The following CEP164 variants were observed in gnomAD, a reference collection of about 807,000 sequenced individuals.
The protein encoded by CEP164 is centrosomal protein 164.
CEP164 carries 162 observed loss-of-function variants against 182.7 expected under a neutral mutation model. The observed-to-expected ratio is 0.89, with a 90% CI of 0.78 to 1.01. The LOEUF (loss-of-function observed/expected upper bound fraction) is 1.01, where lower values mean the gene tolerates loss of function less well. Among genes scored for constraint, CEP164 ranks in the 50% least tolerant of loss-of-function variants. The pLI is 0.00. For missense variants in CEP164, 1,735 were observed against 1,790.4 expected, an observed-to-expected ratio of 0.97 and a Z score of 0.56; for synonymous variants, 661 against 690.0, an observed-to-expected ratio of 0.96 and a Z score of 0.66.
In CEP164 at chr11:117,412,905, A is replaced by C. The variant is rs1456845175; in HGVS notation, c.*737A>C. 1 of 152,202 alleles carries C rather than the reference A, an allele frequency of 6.6e-6. No homozygotes were observed. The highest frequency in any genetic ancestry group is 1.5e-5 in the Non-Finnish European group (1 of 68,010). 9.4% of individuals were successfully genotyped at this position (152,202 alleles called of 1,614,324 possible). On this transcript the variant is annotated 3_prime_UTR_variant, in exon 33 of 33. Transcript: ENST00000278935. ...TTTCAGCTGGAGTCTCAGGTCTCAA[A>C]AACAACTTCTCCAGGAGGCCAAAAA...
chr11:117,412,467 T>A lies in CEP164; in HGVS notation c.*299T>A. On this transcript the variant is annotated 3_prime_UTR_variant, in exon 33 of 33. Coordinates refer to ENST00000278935, the MANE Select transcript of CEP164 (RefSeq NM_014956.5). ...GAGCCCTTTGGGAGGAAGGGAGGCG[T>A]TAGAGGAGCTGCCTTCGGAGGCTCA... 3.4e-6 allele frequency: 1 copy of A among 297,590 alleles called. No homozygotes were observed. Among genetic ancestry groups the A allele is most frequent in the Non-Finnish European group, 6.4e-6 (1 of 156,236 alleles). 18.4% of individuals were successfully genotyped at this position (297,590 alleles called of 1,614,324 possible).
intron 10 of CEP164, among the ~76,000 whole-genome samples, chr11:117,374,506 G>C: frequency 6.6e-6 from 1 of 152,142 alleles, no homozygotes; most frequent in East Asian, 1.9e-4. Flanking sequence ...ATGATATGAG[G>C]GGGTGCAGAA....
chr11:117,382,476 T>C (rs555417754), intron 13 of CEP164, among the ~76,000 whole-genome samples: 88 of 152,258 alleles, frequency 5.8e-4, no homozygotes, highest in African/African-American at 1.7e-3. Flanking sequence ...TTAGAATTCA[T>C]TGGGTTGGAA....
At chr11:117,338,185 G>A (rs1215306281) in intron 2 of CEP164, among the ~76,000 whole-genome samples, 1 of 152,146 alleles carries the variant, frequency 6.6e-6, no homozygotes, top group Non-Finnish European at 1.5e-5. Context: ...GGTGTGCCAC[G>A]GAGATGTGCT....
intron 1 of CEP164, among the ~76,000 whole-genome samples, chr11:117,330,449 T>G (rs515756): frequency 0.3 from 45,175 of 152,026 alleles, 6,984 homozygotes; most frequent in African/African-American, 0.36. Flanking sequence ...GGTCAGGAGT[T>G]CGAGACTTGG....
intron 5 of CEP164, among the ~76,000 whole-genome samples, chr11:117,352,481 G>C (rs55677395): frequency 0.011 from 1,644 of 152,284 alleles, 23 homozygotes; most frequent in African/African-American, 0.037. Flanking sequence ...ACACCAGTGC[G>C]TTCAAGATTT....
At chr11:117,403,034 C>T (rs1174453879) in intron 27 of CEP164, among the ~76,000 whole-genome samples, 1 of 152,206 alleles carries the variant, frequency 6.6e-6, no homozygotes, top group Non-Finnish European at 1.5e-5. Flanking sequence ...GCTATTCCTC[C>T]ATCCCTTTAT....
chr11:117,359,801 T>G (rs1048032770), intron 5 of CEP164, among the ~76,000 whole-genome samples: 1 of 152,228 alleles, frequency 6.6e-6, no homozygotes, highest in African/African-American at 2.4e-5. Context: ...AATGCTGGTG[T>G]AGCCCTGGGC....
intron 5 of CEP164, among the ~76,000 whole-genome samples, chr11:117,357,315 G>A (rs1280199332): frequency 1.3e-5 from 2 of 151,996 alleles, no homozygotes; most frequent in African/African-American, 4.8e-5. Flanking sequence ...TGCCATGTTG[G>A]CCAGGCTGGT....
chr11:117,385,410 C>G (rs1248617486), intron 14 of CEP164: 1 of 152,228 alleles, frequency 6.6e-6, no homozygotes, highest in African/African-American at 2.4e-5. Flanking sequence ...ACCTTTAAAA[C>G]AGTGCGAGGG....
chr11:117,357,475 G>A (rs1447891117), intron 5 of CEP164, among the ~76,000 whole-genome samples: 1 of 148,228 alleles, frequency 6.7e-6, no homozygotes, highest in African/African-American at 2.5e-5. Context: ...AGGCTGGAGT[G>A]CAATGGTGCC....
chr11:117,323,686 G>A (rs946979214), upstream of CEP164, among the ~76,000 whole-genome samples: 3 of 152,114 alleles, frequency 2.0e-5, no homozygotes, highest in Admixed American at 6.6e-5. Context: ...TTTCCATGGT[G>A]ATTGTACTAA....
intron 4 of CEP164, among the ~76,000 whole-genome samples, chr11:117,346,246 C>T (rs1427397338): frequency 1.3e-5 from 2 of 151,784 alleles, no homozygotes; most frequent in Non-Finnish European, 2.9e-5. Flanking sequence ...CTTTTTTATC[C>T]TGTAAGGAGA....
chr11:117,358,788 G>A (rs2040598521), intron 5 of CEP164, among the ~76,000 whole-genome samples: 1 of 151,996 alleles, frequency 6.6e-6, no homozygotes, highest in Non-Finnish European at 1.5e-5. Flanking sequence ...TCCTGCCTTG[G>A]CTTCCGAAAG....
intron 3 of CEP164, among the ~76,000 whole-genome samples, chr11:117,339,904 G>A (rs1390391142): frequency 5.9e-5 from 9 of 152,044 alleles, no homozygotes; most frequent in African/African-American, 2.2e-4. Flanking sequence ...TACAGATGAG[G>A]AAATCAAGGC....
At chr11:117,328,832 G>T (rs912636078) in intron 1 of CEP164, among the ~76,000 whole-genome samples, 3 of 152,288 alleles carry the variant, frequency 2.0e-5, no homozygotes, top group African/African-American at 7.2e-5. Flanking sequence ...TATTGGACGA[G>T]GCATAGAAAT....
chr11:117,340,872 C>T (rs987206867), intron 3 of CEP164, among the ~76,000 whole-genome samples: 6 of 152,238 alleles, frequency 3.9e-5, no homozygotes, highest in South Asian at 2.1e-4. Flanking sequence ...CTCACTTTGT[C>T]GCCCAGGCTG....
At position 117,406,821 on chromosome 11, in the gene CEP164, C is replaced by T. The variant is rs1352420595; in HGVS notation, c.3502-1104C>T. Among the ~76,000 whole-genome samples the T allele has an allele frequency of 3.3e-5, 5 of 152,218 alleles. No individual in the cohort carries two copies. The South Asian group carries it at 6.2e-4, about 19-fold the overall frequency. Reference sequence around the variant, plus strand: ...AGAAATCTGATGGTGCTCAGCCAGGCGCAGTGGTTCATGCCTGTAATGCCA... The same window carrying T: ...AGAAATCTGATGGTGCTCAGCCAGGTGCAGTGGTTCATGCCTGTAATGCCA... On this transcript the variant is annotated intron_variant, in intron 27 of 32. Transcript: ENST00000278935.
In CEP164 at chr11:117,396,063, G is replaced by T; in HGVS notation, c.3099G>T (p.Glu1033Asp). The change falls in exon 25 of 33, where the codon GAG becomes GAT. Residue 1033 changes from glutamate to aspartate, a missense_variant. By Grantham distance (45) the Glu-to-Asp change is conservative. Transcript: ENST00000278935. ...QQLQKHFSSL[E>D]AEAQKKQHLL... ...ATCTTTCCTTCCACAGCAGCCTGGA[G>T]GCTGAAGCTCAAAAGAAGCAGCACC... is the stretch of plus-strand genomic sequence containing the variant. The T allele has an allele frequency of 1.2e-6, 2 of 1,614,150 alleles. No individual in the cohort carries two copies. The highest frequency in any genetic ancestry group is 1.7e-6 in the Non-Finnish European group (2 of 1,180,014).
Sources: gnomAD v4.1 joint callset for allele counts (sites outside exome capture counted in the v4.1 genomes callset) on GRCh38, gnomAD v4.1.1 for gene constraint, MANE v1.5 for transcripts, NCBI Gene and HGNC (gene_info 2026-07-23, HGNC 2026-07-21) for gene names.